Variants in GRM8 observed in about 807,000 individuals in gnomAD.
GRM8 encodes glutamate metabotropic receptor 8.
A neutral mutation model predicts 87.2 loss-of-function variants in GRM8; 47 were observed. That is an observed-to-expected ratio of 0.54 (90% CI 0.43 to 0.69). The LOEUF (loss-of-function observed/expected upper bound fraction) is 0.69. Among genes scored for constraint, GRM8 ranks in the 30% least tolerant of loss-of-function variants. The pLI is 0.00. For missense variants in GRM8, 1,019 were observed against 1,139.2 expected (o/e 0.89, Z 1.52); for synonymous variants, 396 against 404.5 (o/e 0.98, Z 0.25).
intron 2 of GRM8, among the ~76,000 whole-genome samples, chr7:127,121,857 C>A (rs965815726): frequency 6.6e-6 from 1 of 152,128 alleles, no homozygotes; most frequent in Non-Finnish European, 1.5e-5. Flanking sequence ...ACCTTCAACA[C>A]CTGGGGACTA....
At chr7:126,746,398 T>C (rs759988927) in intron 7 of GRM8, among the ~76,000 whole-genome samples, 5 of 151,808 alleles carry the variant, frequency 3.3e-5, no homozygotes, top group Non-Finnish European at 7.4e-5. Flanking sequence ...ATCTAGAATA[T>C]AGAAATGAAA....
chr7:127,090,010 T>C (rs1480478055), intron 3 of GRM8, among the ~76,000 whole-genome samples: 2 of 152,212 alleles, frequency 1.3e-5, no homozygotes, highest in Non-Finnish European at 2.9e-5. Context: ...TTCAATGGCA[T>C]AGATCCCCAC....
At chr7:126,563,299 A>T (rs1793903691) in intron 8 of GRM8, among the ~76,000 whole-genome samples, 1 of 147,924 alleles carries the variant, frequency 6.8e-6, no homozygotes, top group African/African-American at 2.6e-5. Context: ...TTTTTTTTTA[A>T]AAAAAAAACA....
At chr7:127,050,854 T>A (rs1038410224) in intron 3 of GRM8, among the ~76,000 whole-genome samples, 1 of 152,202 alleles carries the variant, frequency 6.6e-6, no homozygotes, top group Non-Finnish European at 1.5e-5. Flanking sequence ...TTTTCTCATA[T>A]AATTATCTTT....
Position 126,951,343 on chromosome 7 carries a change from A to T in GRM8, c.728-46660T>A, listed in dbSNP as rs1445851194. The stretch of plus-strand genomic sequence containing the variant: ...GGTTATGTGTATCAAGACAGGATGG[A>T]GTGACAGATACTGCCTTGGGTGCAT... On this transcript the variant is annotated intron_variant, in intron 3 of 10. Coordinates refer to ENST00000339582, the MANE Select transcript of GRM8 (RefSeq NM_000845.3). 1.6e-4 allele frequency among the ~76,000 whole-genome samples: 24 copies of T among 152,092 alleles called. 1 individual carries two copies. The highest frequency in any genetic ancestry group is 1.6e-3 in the Admixed American group (24 of 15,268).
intron 7 of GRM8, among the ~76,000 whole-genome samples, chr7:126,704,972 C>G (rs1810342145): frequency 6.6e-6 from 1 of 152,116 alleles, no homozygotes; most frequent in Non-Finnish European, 1.5e-5. Context: ...TGTACGCTCC[C>G]TCCCCTTTTG....
chr7:126,853,069 C>T (rs959818248), intron 6 of GRM8, among the ~76,000 whole-genome samples: 2 of 152,110 alleles, frequency 1.3e-5, no homozygotes, highest in Non-Finnish European at 2.9e-5. Context: ...TAAATATAGG[C>T]CACAAGTCCA....
intron 3 of GRM8, among the ~76,000 whole-genome samples, chr7:126,976,637 T>C (rs1027389952): frequency 6.6e-6 from 1 of 152,120 alleles, no homozygotes; most frequent in Non-Finnish European, 1.5e-5. Flanking sequence ...CAAAGTATCA[T>C]GAAATTTAAC....
intron 2 of GRM8, among the ~76,000 whole-genome samples, chr7:127,114,090 T>G (rs1167164122): frequency 6.6e-6 from 1 of 152,188 alleles, no homozygotes; most frequent in Non-Finnish European, 1.5e-5. Context: ...GAAGTAGTAG[T>G]ATTCCTTCCC....
At chr7:126,782,942 C>G (rs1820238789) in intron 6 of GRM8, among the ~76,000 whole-genome samples, 1 of 152,160 alleles carries the variant, frequency 6.6e-6, no homozygotes, top group Non-Finnish European at 1.5e-5. Context: ...GGGAGAGTTT[C>G]TGTGCCATTC....
At chr7:126,611,364 T>C (rs1250962616) in intron 7 of GRM8, among the ~76,000 whole-genome samples, 1 of 152,206 alleles carries the variant, frequency 6.6e-6, no homozygotes, top group East Asian at 1.9e-4. Flanking sequence ...TCAACACTTG[T>C]CAAGTGCTTA....
intron 3 of GRM8, among the ~76,000 whole-genome samples, chr7:126,949,062 C>T (rs1807855317): frequency 6.6e-6 from 1 of 152,248 alleles, no homozygotes; most frequent in Admixed American, 6.5e-5. Flanking sequence ...GGAGATAACA[C>T]TAACACCTAC....
intron 3 of GRM8, among the ~76,000 whole-genome samples, chr7:127,076,773 C>T (rs1380154684): frequency 6.6e-6 from 1 of 152,150 alleles, no homozygotes; most frequent in Non-Finnish European, 1.5e-5. Flanking sequence ...TGGTCTGGCT[C>T]AAACTCTATA....
At chr7:127,153,090 T>C (rs539477969) in intron 2 of GRM8, among the ~76,000 whole-genome samples, 3 of 152,256 alleles carry the variant, frequency 2.0e-5, no homozygotes, top group South Asian at 2.1e-4. Context: ...ATTACATAAA[T>C]GATTACACAA....
intron 3 of GRM8, among the ~76,000 whole-genome samples, chr7:126,914,095 C>T (rs1426710562): frequency 1.3e-5 from 2 of 152,124 alleles, no homozygotes; most frequent in African/African-American, 4.8e-5. Flanking sequence ...AGACAATCCA[C>T]TGTGAAACGG....
intron 2 of GRM8, among the ~76,000 whole-genome samples, chr7:127,111,993 A>T (rs1037716746): frequency 6.6e-6 from 1 of 150,482 alleles, no homozygotes; most frequent in Non-Finnish European, 1.5e-5. Context: ...ACACCATTGC[A>T]ATCCTGGGCA....
intron 2 of GRM8, among the ~76,000 whole-genome samples, chr7:127,163,571 T>A (rs1793255881): frequency 6.6e-6 from 1 of 152,204 alleles, no homozygotes; most frequent in Non-Finnish European, 1.5e-5. Flanking sequence ...ATAACCACTT[T>A]CTTCAGAATT....
At chr7:126,749,446 G>C (rs1816132772) in intron 7 of GRM8, among the ~76,000 whole-genome samples, 1 of 151,744 alleles carries the variant, frequency 6.6e-6, no homozygotes, top group African/African-American at 2.4e-5. Flanking sequence ...TTTTTAGAAA[G>C]TTGACAAATT....
At chr7:126,853,229 T>C (rs971737738) in intron 6 of GRM8, among the ~76,000 whole-genome samples, 1 of 152,218 alleles carries the variant, frequency 6.6e-6, no homozygotes, top group African/African-American at 2.4e-5. Flanking sequence ...GCATGCTGAA[T>C]TTGGCATCTG....
Sources: allele counts gnomAD v4.1 joint callset (sites outside exome capture counted in the v4.1 genomes callset), GRCh38; gene constraint gnomAD v4.1.1; transcripts MANE v1.5; gene names NCBI Gene and HGNC (gene_info 2026-07-23, HGNC 2026-07-21).